Variants in LRRC43 observed in about 807,000 individuals in gnomAD.
The protein encoded by LRRC43 is leucine-rich repeat-containing protein 43.
Under a neutral mutation model 64.3 loss-of-function variants are expected in LRRC43, and 62 were observed. The observed-to-expected ratio is 0.96, with a 90% CI of 0.79 to 1.19. LRRC43 has a LOEUF of 1.19. LRRC43 is among the 50% of genes most tolerant of loss of function. The probability of loss-of-function intolerance (pLI) is 0.00; values close to 1 mark genes in which losing one functional copy is unlikely to be tolerated. For synonymous variants in LRRC43, 422 were observed against 382.3 expected (o/e 1.10, Z -1.21); for missense variants, 868 against 845.0 (o/e 1.03, Z -0.34).
intron 7 of LRRC43, among the ~76,000 whole-genome samples, chr12:122,197,738 A>T (rs984882509): frequency 6.6e-6 from 1 of 152,028 alleles, no homozygotes; most frequent in African/African-American, 2.4e-5. Context: ...GAAGTTTTCA[A>T]GCAGAGGAGT....
upstream of LRRC43, chr12:122,182,973 C>T (rs1190151253): frequency 1.8e-6 from 2 of 1,109,448 alleles, no homozygotes; most frequent in East Asian, 3.1e-5. Flanking sequence ...TTAGAACCAC[C>T]AGCTGTTATC....
intron 7 of LRRC43, 31 bp downstream of exon 7, chr12:122,193,035 G>A: frequency 6.2e-7 from 1 of 1,609,376 alleles, no homozygotes; most frequent in Non-Finnish European, 8.5e-7. Flanking sequence ...CAGGGCAAGT[G>A]GTCAGAGCAG....
intron 7 of LRRC43, among the ~76,000 whole-genome samples, chr12:122,196,505 T>C (rs1236305729): frequency 1.3e-5 from 2 of 152,314 alleles, no homozygotes; most frequent in South Asian, 2.1e-4. Context: ...CAGTGGCTCA[T>C]GCCTGTAATC....
chr12:122,181,691 C>T (rs1461732352), upstream of LRRC43, among the ~76,000 whole-genome samples: 2 of 148,436 alleles, frequency 1.3e-5, no homozygotes, highest in Admixed American at 6.7e-5. Context: ...CTGCAACCTC[C>T]GCCTCCTGGG....
At chr12:122,194,369 C>A (rs1257726219) in intron 7 of LRRC43, among the ~76,000 whole-genome samples, 1 of 151,464 alleles carries the variant, frequency 6.6e-6, no homozygotes, top group Non-Finnish European at 1.5e-5. Flanking sequence ...GAGGTCGAGA[C>A]CCGCCTGACC....
intron 7 of LRRC43, among the ~76,000 whole-genome samples, chr12:122,197,541 G>A (rs1039293532): frequency 2.6e-5 from 4 of 152,014 alleles, no homozygotes; most frequent in Non-Finnish European, 4.4e-5. Flanking sequence ...CGTGAGGTTC[G>A]TCACGTCCGC....
intron 1 of LRRC43, among the ~76,000 whole-genome samples, chr12:122,177,653 C>T (rs1953548127): frequency 6.6e-6 from 1 of 151,766 alleles, no homozygotes; most frequent in Non-Finnish European, 1.5e-5. Flanking sequence ...TGTAGGCCTG[C>T]ACCACCATGC....
chr12:122,169,809 G>T (rs889756228), intron 1 of LRRC43, among the ~76,000 whole-genome samples: 1 of 149,068 alleles, frequency 6.7e-6, no homozygotes, highest in Admixed American at 6.7e-5. Flanking sequence ...TTTTGTTGTT[G>T]TTTGTTGTTG....
rs1204042226 is a variant in LRRC43, at chr12:122,200,578, C to A, written c.1538C>A (p.Ser513Tyr). 1.9e-6 allele frequency: 3 copies of A among 1,541,788 alleles called. No individual in the cohort carries two copies. The highest frequency in any genetic ancestry group is 2.7e-6 in the Non-Finnish European group (3 of 1,114,708). ...VVLPAVDSPL[S>Y]AKKGKGEKDK... ...CTACCTGCTGTTGACAGTCCCCTGTCTGCCAAGAAAGGAAAGGGGGAGAAA... is the reference window on the plus strand; with the variant it reads ...CTACCTGCTGTTGACAGTCCCCTGTATGCCAAGAAAGGAAAGGGGGAGAAA... Residue 513 changes from serine to tyrosine, a missense_variant, in exon 9 of 12, where the codon TCT becomes TAT. Physicochemically the swap from Ser to Tyr is moderately radical, Grantham distance 144. Transcript: ENST00000339777. This position sits in a 1 kb window ranked among gnomAD's most constrained non-coding sequence, Gnocchi z 4.6.
intron 1 of LRRC43, chr12:122,173,829 C>A (rs749663853): frequency 1.2e-6 from 2 of 1,610,730 alleles, no homozygotes; most frequent in Admixed American, 1.7e-5. Flanking sequence ...GAAAAGAAAT[C>A]TCTAGGACAC....
rs550088928 is a variant in LRRC43 at position 122,190,434 on chromosome 12, C to T, written c.901+66C>T. ...CCCCAGCCTGCGCCTGGCTGTGCCC[C>T]GCCCTCCTGGGTCCGTGTACCCGTC... is the stretch of plus-strand genomic sequence containing the variant. On this transcript the variant is annotated intron_variant, in intron 5 of 11. Transcript: ENST00000339777. 1.6e-4 allele frequency: 214 copies of T among 1,328,996 alleles called. No individual in the cohort carries two copies. In the African/African-American group the frequency reaches 2.0e-3, roughly 12 times the overall value. The allele number at this position is 1,328,996 out of a possible 1,614,324, so 82.3% of individuals were successfully genotyped here.
At position 122,192,927 on chromosome 12, in the gene LRRC43, G is replaced by A. The variant is rs560343366; in HGVS notation, c.1272G>A (p.Leu424=). 2 of 1,614,150 alleles carry A rather than the reference G, an allele frequency of 1.2e-6. No individual in the cohort carries two copies. The highest frequency in any genetic ancestry group is 4.5e-5 in the East Asian group (2 of 44,878). ...LSVISGPSTI[L]QMPRASAEEL... ...TCATCTCGGGGCCTTCGACCATCTT[G>A]CAGATGCCGAGGGCCTCTGCAGAAG... Residue 424 remains leucine (L), a synonymous_variant, in exon 7 of 12, where the codon TTG becomes TTA. Transcript: ENST00000339777.
intron 4 of LRRC43, chr12:122,189,305 G>C: frequency 7.4e-6 from 3 of 407,974 alleles, no homozygotes; most frequent in South Asian, 1.8e-5. Context: ...GCATGCCCTT[G>C]GGGGGTCCAA....
chr12:122,187,672 C>G lies in LRRC43; in HGVS notation c.523-29C>G, dbSNP rs765920622. 20 of 1,608,214 alleles carry G rather than the reference C, an allele frequency of 1.2e-5. No individual in the cohort carries two copies. The Admixed American group carries it at 1.3e-4, about 11-fold the overall frequency. Reference sequence around the variant, plus strand: ...CCTCAGCGCTGACTTGGGGCCCCATCGTCCCGGGCCTTCCGTGTGGTCTCC... The same window carrying G: ...CCTCAGCGCTGACTTGGGGCCCCATGGTCCCGGGCCTTCCGTGTGGTCTCC... On this transcript the variant is annotated intron_variant, in intron 3 of 11. Coordinates refer to ENST00000339777, the MANE Select transcript of LRRC43 (RefSeq NM_001098519.2).
At position 122,176,511 on chromosome 12, in the gene LRRC43, CTTAA is replaced by C. The variant is rs1953537999; in HGVS notation, c.-405-8005_-405-8002del. On this transcript the variant is annotated intron_variant, in intron 1 of 5. Coordinates refer to the LRRC43 transcript ENST00000537729. ...CAGATGCACTTTATTTTTTTCTTTT[CTTAA>C]TTGTTTTGTCTTTTGTTTTGTTTTT... 2.2e-5 allele frequency among the ~76,000 whole-genome samples: 3 copies of C among 135,150 alleles called. No individual in the cohort carries two copies. In the Admixed American group the frequency reaches 2.4e-4, roughly 11 times the overall value. 88.7% of individuals were successfully genotyped at this position (135,150 alleles called of 152,430 possible).
At chr12:122,187,656 T>C (rs768353118) in intron 3 of LRRC43, 45 bp from the exon 4 acceptor site, 1 of 1,600,300 alleles carries the variant, frequency 6.2e-7, no homozygotes, top group Non-Finnish European at 8.5e-7. Context: ...TCCTCAGCGC[T>C]GACTTGGGGC....
chr12:122,172,552 C>T lies in LRRC43; in HGVS notation c.-406+4770C>T, dbSNP rs80316885. ...GGCACAGAAATGTTTGTTTCTGGTG[C>T]ATCTTGAAATATGAGTTTGTCGAGG... On this transcript the variant is annotated intron_variant, in intron 1 of 5. Coordinates refer to the LRRC43 transcript ENST00000537729. The T allele has an allele frequency of 1.3e-5, 21 of 1,614,142 alleles. No individual in the cohort carries two copies. Among genetic ancestry groups the T allele is most frequent in the Middle Eastern group, 1.6e-4 (1 of 6,062 alleles).
At chr12:122,187,287 A>G (rs1343384964) in intron 3 of LRRC43, 1 of 155,616 alleles carries the variant, frequency 6.4e-6, no homozygotes, top group Non-Finnish European at 1.4e-5. Context: ...CAAACCAACA[A>G]GCAAACAACA....
At chr12:122,175,037 G>A (rs537783459) in intron 1 of LRRC43, among the ~76,000 whole-genome samples, 15 of 151,860 alleles carry the variant, frequency 9.9e-5, no homozygotes, top group Non-Finnish European at 1.5e-4. Context: ...ATGGGGTTTC[G>A]CCATGTTGGT....
Sources: gnomAD v4.1 joint callset for allele counts (sites outside exome capture counted in the v4.1 genomes callset) on GRCh38, gnomAD v4.1.1 for gene constraint, Gnocchi (gnomAD v3.1) non-coding constraint, MANE v1.5 for transcripts, NCBI Gene and HGNC (gene_info 2026-07-23, HGNC 2026-07-21) for gene names.